ANKRD30BL: variants seen among roughly 807,000 people sequenced by gnomAD.
ANKRD30BL encodes the protein ankyrin repeat domain 30B like.
ANKRD30BL carries 20 observed loss-of-function variants against 18.4 expected under a neutral mutation model. That is an observed-to-expected ratio of 1.09 (90% CI 0.77 to 1.58). The LOEUF is 1.58. ANKRD30BL is among the 40% of genes most tolerant of loss of function. The pLI is 0.00. For synonymous variants in ANKRD30BL, 72 were observed against 100.9 expected (o/e 0.71, Z 1.72); for missense variants, 224 against 268.6 (o/e 0.83, Z 1.16).
At chr2:132,172,042 A>T (rs554248029) in intron 1 of ANKRD30BL, among the ~76,000 whole-genome samples, 95 of 152,206 alleles carry the variant, frequency 6.2e-4, no homozygotes, top group Non-Finnish European at 3.5e-4. Flanking sequence ...TCTGTAGTGT[A>T]TATTAGAATT....
chr2:132,192,050 C>T (rs892153055), intron 1 of ANKRD30BL, among the ~76,000 whole-genome samples: 2 of 152,102 alleles, frequency 1.3e-5, no homozygotes, highest in African/African-American at 4.8e-5. Context: ...TTCTACAGTC[C>T]AGTAAAGTCT....
chr2:132,216,857 T>C (rs865968968), intron 1 of ANKRD30BL, among the ~76,000 whole-genome samples: 14 of 152,078 alleles, frequency 9.2e-5, no homozygotes, highest in African/African-American at 3.4e-4. Flanking sequence ...TGAAACACTC[T>C]TCTTGTAGAA....
At chr2:132,164,210 T>A (rs1314127540), upstream of ANKRD30BL, among the ~76,000 whole-genome samples, 1 of 152,084 alleles carries the variant, frequency 6.6e-6, no homozygotes, top group Non-Finnish European at 1.5e-5. Context: ...TCACATGAGT[T>A]GTTTGCAGTT....
intron 1 of ANKRD30BL, among the ~76,000 whole-genome samples, chr2:132,183,015 T>C (rs908277657): frequency 2.0e-5 from 3 of 152,154 alleles, no homozygotes; most frequent in Admixed American, 1.3e-4. Context: ...ATAACGATGT[T>C]GGATAATATC....
At chr2:132,187,504 C>A (rs1272601172) in intron 1 of ANKRD30BL, among the ~76,000 whole-genome samples, 1 of 151,678 alleles carries the variant, frequency 6.6e-6, no homozygotes, top group African/African-American at 2.4e-5. Flanking sequence ...TTAGTAGAGG[C>A]GGGTTTTCAC....
At chr2:132,208,490 G>C (rs1679254073) in intron 1 of ANKRD30BL, among the ~76,000 whole-genome samples, 1 of 152,072 alleles carries the variant, frequency 6.6e-6, no homozygotes, top group Admixed American at 6.6e-5. Flanking sequence ...TATTCCATAA[G>C]TTATGTCCAT....
chr2:132,181,663 C>A (rs562075038), intron 1 of ANKRD30BL, among the ~76,000 whole-genome samples: 148 of 152,186 alleles, frequency 9.7e-4, no homozygotes, highest in African/African-American at 3.3e-3. Flanking sequence ...TAAGGACAAC[C>A]CTTTTAAAAA....
intron 1 of ANKRD30BL, among the ~76,000 whole-genome samples, chr2:132,248,551 G>C (rs1342610117): frequency 6.6e-6 from 1 of 152,110 alleles, no homozygotes; most frequent in African/African-American, 2.4e-5. Flanking sequence ...AACTATGTGA[G>C]ATGGATGCAC....
At chr2:132,189,356 C>T (rs1192483670) in intron 1 of ANKRD30BL, among the ~76,000 whole-genome samples, 1 of 152,164 alleles carries the variant, frequency 6.6e-6, no homozygotes, top group Non-Finnish European at 1.5e-5. Flanking sequence ...TGCCTTATAT[C>T]TTTTGACTAT....
chr2:132,182,098 A>G (rs975561667), intron 1 of ANKRD30BL, among the ~76,000 whole-genome samples: 2 of 152,182 alleles, frequency 1.3e-5, no homozygotes, highest in African/African-American at 4.8e-5. Context: ...TGGGCAACAG[A>G]GCAAGACTCC....
upstream of ANKRD30BL, among the ~76,000 whole-genome samples, chr2:132,164,381 C>T (rs1258906891): frequency 6.6e-6 from 1 of 150,714 alleles, no homozygotes; most frequent in Non-Finnish European, 1.5e-5. Context: ...ACCTCTACTT[C>T]CCAGGTTCAA....
intron 1 of ANKRD30BL, among the ~76,000 whole-genome samples, chr2:132,228,271 C>T (rs535421185): frequency 4.0e-5 from 6 of 151,788 alleles, no homozygotes; most frequent in South Asian, 4.2e-4. Context: ...CACATCAAAA[C>T]GACACAGAAG....
upstream of ANKRD30BL, among the ~76,000 whole-genome samples, chr2:132,162,787 A>C (rs1031637802): frequency 6.6e-6 from 1 of 152,268 alleles, no homozygotes; most frequent in African/African-American, 2.4e-5. Flanking sequence ...GCTGGTTTGC[A>C]GGCTCTGGGC....
In ANKRD30BL at chr2:132,254,892, C is replaced by T. The variant is rs79870059; in HGVS notation, n.441+2637G>A. ...GGCCATGCACCACCACCCGTGGAATCGAGAAAGAGCTATCAATCTGTCAAT... is the reference window on the plus strand; with the variant it reads ...GGCCATGCACCACCACCCGTGGAATTGAGAAAGAGCTATCAATCTGTCAAT... On this transcript the variant is annotated intron_variant and non_coding_transcript_variant, in intron 1 of 4. Coordinates refer to the ANKRD30BL transcript ENST00000470729. Among the ~76,000 whole-genome samples the T allele has an allele frequency of 5.9e-5, 9 of 152,296 alleles. No homozygotes were observed. In the East Asian group the frequency reaches 1.7e-3, roughly 29 times the overall value.
upstream of ANKRD30BL, chr2:132,162,099 G>C (rs534146316): frequency 3.0e-3 from 561 of 184,656 alleles, 1 homozygote; most frequent in African/African-American, 0.012. Flanking sequence ...GCGGAACGTG[G>C]GGGGCTCCCT....
chr2:132,219,387 G>C (rs112678373), intron 1 of ANKRD30BL, among the ~76,000 whole-genome samples: 8 of 151,378 alleles, frequency 5.3e-5, no homozygotes, highest in African/African-American at 2.0e-4. Context: ...CAGATTTGAA[G>C]CTTTCTTTAG....
At chr2:132,184,312 T>C (rs2104950227) in intron 1 of ANKRD30BL, among the ~76,000 whole-genome samples, 1 of 152,330 alleles carries the variant, frequency 6.6e-6, no homozygotes, top group Non-Finnish European at 1.5e-5. Flanking sequence ...AGAACCTTAT[T>C]TGTCTGCATG....
intron 1 of ANKRD30BL, among the ~76,000 whole-genome samples, chr2:132,253,730 A>T (rs1680733765): frequency 6.6e-6 from 1 of 150,852 alleles, no homozygotes; most frequent in African/African-American, 2.4e-5. Flanking sequence ...CCACAGGCAG[A>T]CCGGCGACCC....
intron 1 of ANKRD30BL, among the ~76,000 whole-genome samples, chr2:132,254,448 T>TG (rs1210241334): frequency 6.6e-6 from 1 of 152,250 alleles, no homozygotes; most frequent in Non-Finnish European, 1.5e-5. Flanking sequence ...GCCAGGGCAG[T>TG]GGGCTGACCC....
Sources: gnomAD v4.1 joint callset for allele counts (sites outside exome capture counted in the v4.1 genomes callset) on GRCh38, gnomAD v4.1.1 for gene constraint, MANE v1.5 for transcripts, NCBI Gene and HGNC (gene_info 2026-07-23, HGNC 2026-07-21) for gene names.